Variants in IRAG2 observed in about 807,000 individuals in gnomAD.
IRAG2 encodes lymphoid restricted membrane protein.
Under a neutral mutation model 69.9 loss-of-function variants are expected in IRAG2, and 45 were observed. The observed-to-expected ratio is 0.64, with a 90% CI of 0.51 to 0.83. The LOEUF is 0.83. Among genes scored for constraint, IRAG2 ranks in the 40% least tolerant of loss-of-function variants. The probability of loss-of-function intolerance (pLI) is 0.00; values close to 1 mark genes in which losing one functional copy is unlikely to be tolerated. For missense variants in IRAG2, 520 were observed against 587.0 expected (o/e 0.89, Z 1.18); for synonymous variants, 193 against 202.4 (o/e 0.95, Z 0.40).
chr12:25,013,927 T>A (rs796936507), intron 3 of IRAG2, among the ~76,000 whole-genome samples: 7 of 129,852 alleles, frequency 5.4e-5, no homozygotes, highest in African/African-American at 2.0e-4. Context: ...CAGGCTGGAG[T>A]GCAGTGGCGC....
chr12:25,080,513 A>G lies in IRAG2; in HGVS notation c.244+750A>G, dbSNP rs559224937. On this transcript the variant is annotated intron_variant, in intron 9 of 21. Coordinates refer to ENST00000556887, the MANE Select transcript of IRAG2 (RefSeq NM_001366544.2). The stretch of plus-strand genomic sequence containing the variant: ...ACTACAGGTGCCCGCCACCACGCCC[A>G]TCTAATTTTTTTGTATTTTTAGTAG... Among the ~76,000 whole-genome samples, 259 of 151,970 alleles carry G rather than the reference A, an allele frequency of 1.7e-3. 1 individual carries two copies. Among genetic ancestry groups the G allele is most frequent in the East Asian group, 2.5e-3 (13 of 5,150 alleles).
At chr12:25,071,761 A>C (rs1946351091) in intron 6 of IRAG2, among the ~76,000 whole-genome samples, 2 of 152,120 alleles carry the variant, frequency 1.3e-5, no homozygotes, top group African/African-American at 4.8e-5. Flanking sequence ...TAGACATTTT[A>C]ATCATAATTA....
intron 6 of IRAG2, among the ~76,000 whole-genome samples, chr12:25,074,097 C>G (rs559245044): frequency 6.6e-6 from 1 of 152,358 alleles, no homozygotes; most frequent in South Asian, 2.1e-4. Flanking sequence ...ATGACCTAAC[C>G]TGTCTGAATT....
chr12:25,079,553 GAGA>G, intron 8 of IRAG2, 91 bp downstream of exon 8: 2 of 1,330,734 alleles, frequency 1.5e-6, no homozygotes, highest in Non-Finnish European at 1.1e-6. Context: ...GTGAGCAAAT[GAGA>G]AGAACATAGG....
intron 21 of IRAG2, among the ~76,000 whole-genome samples, 168 bp from the exon 22 acceptor site, chr12:25,107,649 G>C (rs1286009917): frequency 4.6e-5 from 7 of 152,262 alleles, no homozygotes; most frequent in African/African-American, 1.7e-4. Context: ...GGTACAAAGG[G>C]TGGGAGGCAG....
chr12:25,053,566 T>C (rs1945006625), intron 1 of IRAG2, among the ~76,000 whole-genome samples: 1 of 152,078 alleles, frequency 6.6e-6, no homozygotes, highest in Non-Finnish European at 1.5e-5. Context: ...TTACCAGAGA[T>C]TTATGTGAGA....
intron 14 of IRAG2, among the ~76,000 whole-genome samples, chr12:25,091,793 A>G (rs1176276042): frequency 6.6e-6 from 1 of 152,112 alleles, no homozygotes; most frequent in African/African-American, 2.4e-5. Context: ...TGATTTTATG[A>G]TAGCCACCCT....
chr12:25,047,266 A>G (rs1047167449), intron 16 of IRAG2, among the ~76,000 whole-genome samples: 1 of 152,306 alleles, frequency 6.6e-6, no homozygotes, highest in African/African-American at 2.4e-5. Flanking sequence ...TCTTGGCAAG[A>G]TTTCTTGGAT....
intron 6 of IRAG2, among the ~76,000 whole-genome samples, chr12:25,070,211 T>A (rs1262021895): frequency 6.6e-6 from 1 of 152,222 alleles, no homozygotes; most frequent in Non-Finnish European, 1.5e-5. Context: ...CAATCGGTCT[T>A]AGAATACTTT....
At chr12:25,101,048 T>TAA in intron 15 of IRAG2, 130 bp from the exon 16 acceptor site, 25 of 672,340 alleles carry the variant, frequency 3.7e-5, no homozygotes, top group Admixed American at 7.1e-5. Context: ...GCATGTCTTT[T>TAA]TAAAAAAAAA....
chr12:25,078,127 T>G (rs1408677339), intron 6 of IRAG2, among the ~76,000 whole-genome samples: 1 of 152,218 alleles, frequency 6.6e-6, no homozygotes, highest in Non-Finnish European at 1.5e-5. Flanking sequence ...CTGGCCTTCA[T>G]TTCATTACCT....
chr12:25,041,903 G>A (rs1453939333), intron 16 of IRAG2, among the ~76,000 whole-genome samples: 1 of 151,268 alleles, frequency 6.6e-6, no homozygotes, highest in Non-Finnish European at 1.5e-5. Flanking sequence ...AAATAATAGA[G>A]TGCATTACAT....
intron 11 of IRAG2, 27 bp downstream of exon 11, chr12:25,088,184 T>C (rs753379281): frequency 1.3e-6 from 2 of 1,572,092 alleles, no homozygotes; most frequent in African/African-American, 1.3e-5. Flanking sequence ...TCAATCCCCA[T>C]GTGAACTTTT....
At chr12:25,045,277 TA>T in intron 16 of IRAG2, among the ~76,000 whole-genome samples, 1 of 152,142 alleles carries the variant, frequency 6.6e-6, no homozygotes, top group East Asian at 1.9e-4. Flanking sequence ...TTTATAGTGA[TA>T]AACACTTATA....
At chr12:25,015,035 T>G (rs1321881992) in intron 3 of IRAG2, 1 of 408,558 alleles carries the variant, frequency 2.4e-6, no homozygotes, top group East Asian at 3.8e-5. Flanking sequence ...TGAATATATA[T>G]TTTTTTAACT....
At chr12:25,067,435 T>A (rs575947610) in intron 5 of IRAG2, among the ~76,000 whole-genome samples, 9 of 152,284 alleles carry the variant, frequency 5.9e-5, no homozygotes, top group Non-Finnish European at 1.2e-4. Flanking sequence ...GGAAATAGCA[T>A]CCGATTCCAC....
intron 12 of IRAG2, among the ~76,000 whole-genome samples, chr12:25,033,031 G>A (rs561152209): frequency 2.7e-5 from 4 of 150,298 alleles, no homozygotes; most frequent in East Asian, 3.9e-4. Flanking sequence ...ATCTCGGCCC[G>A]CTGCAACCTC....
chr12:25,102,250 T>TA lies in IRAG2; in HGVS notation c.933+11dup, dbSNP rs1391807351. ...CTTCTCTAAACTCCAAGGTAATTAC[T>TA]AATTCACTTAACAAATGTCTAGCAA... On this transcript the variant is annotated intron_variant, in intron 17 of 21. Coordinates refer to ENST00000556887, the MANE Select transcript of IRAG2 (RefSeq NM_001366544.2). 1.0e-5 allele frequency: 16 copies of TA among 1,606,428 alleles called. No homozygotes were observed. The highest frequency in any genetic ancestry group is 1.4e-5 in the Non-Finnish European group (16 of 1,174,166).
intron 16 of IRAG2, among the ~76,000 whole-genome samples, chr12:25,046,013 T>C (rs891652436): frequency 6.6e-6 from 1 of 152,118 alleles, no homozygotes; most frequent in African/African-American, 2.4e-5. Context: ...GAAAGGCTTA[T>C]ACACTATGAC....
Sources: gnomAD v4.1 joint callset for allele counts (sites outside exome capture counted in the v4.1 genomes callset) on GRCh38, gnomAD v4.1.1 for gene constraint, MANE v1.5 for transcripts, NCBI Gene and HGNC (gene_info 2026-07-23, HGNC 2026-07-21) for gene names.